The following MGRN1 variants were observed in gnomAD, a reference collection of about 807,000 sequenced individuals.
MGRN1 encodes mahogunin ring finger 1.
MGRN1 carries 29 observed loss-of-function variants against 69.2 expected under a neutral mutation model. That is an observed-to-expected ratio of 0.42 (90% confidence interval 0.31 to 0.57). The LOEUF is 0.57. Ranked by LOEUF, MGRN1 falls within the 20% of genes least tolerant of loss-of-function variation. The probability of loss-of-function intolerance (pLI) is 0.15; values close to 1 mark genes in which losing one functional copy is unlikely to be tolerated. For missense variants in MGRN1, 998 were observed against 796.2 expected, an observed-to-expected ratio of 1.25 and a Z score of -3.05; for synonymous variants, 470 against 344.2, an observed-to-expected ratio of 1.37 and a Z score of -4.04.
intron 1 of MGRN1, among the ~76,000 whole-genome samples, chr16:4,639,227 G>A (rs931988247): frequency 7.2e-5 from 11 of 152,108 alleles, no homozygotes; most frequent in Non-Finnish European, 1.6e-4. Context: ...GAGGACAGAG[G>A]GAACCAACAG....
At chr16:4,680,619 G>A (rs1004238902) in intron 12 of MGRN1, 24 of 157,690 alleles carry the variant, frequency 1.5e-4, no homozygotes, top group Non-Finnish European at 3.1e-4. Flanking sequence ...GTGTGCGTTG[G>A]TGTAGAAGGT....
In MGRN1 at chr16:4,690,532, A is replaced by T. The variant is rs1158511683; in HGVS notation, c.*1624A>T. The T allele has an allele frequency of 6.6e-6, 1 of 152,544 alleles. No individual in the cohort carries two copies. Among genetic ancestry groups the T allele is most frequent in the Non-Finnish European group, 1.5e-5 (1 of 68,236 alleles). 9.4% of individuals were successfully genotyped at this position (152,544 alleles called of 1,614,324 possible). A position where few individuals can be genotyped will look rare whatever the true frequency, so the allele number is the denominator to read the frequency against. ...GGCCAGCCACCCCTCCCGCTCGTGC[A>T]CAGGCACGCAGATGCGCTCACACGT... On this transcript the variant is annotated 3_prime_UTR_variant, in exon 17 of 17. Transcript: ENST00000262370.
intron 5 of MGRN1, among the ~76,000 whole-genome samples, chr16:4,663,607 G>C (rs575911678): frequency 2.0e-4 from 30 of 152,326 alleles, no homozygotes; most frequent in African/African-American, 6.7e-4. Flanking sequence ...ATGGTGACTG[G>C]AGAGGCAGGG....
chr16:4,664,562 C>G, intron 5 of MGRN1, 147 bp from the exon 6 acceptor site: 1 of 757,612 alleles, frequency 1.3e-6, no homozygotes. Context: ...CTGGCATCCG[C>G]CTTCCCTGCC....
intron 1 of MGRN1, among the ~76,000 whole-genome samples, chr16:4,632,255 C>T (rs1342011403): frequency 6.6e-6 from 1 of 151,552 alleles, no homozygotes; most frequent in Non-Finnish European, 1.5e-5. Context: ...ACCTTTTGAC[C>T]CGCCTACCTC....
chr16:4,625,009 A>T lies in MGRN1; in HGVS notation c.49A>T (p.Ile17Phe). ...CATCGCGGGGGTGGAGGACATCGAC[A>T]TCCAGGCGAACTCGGCCTATCGCTA... ...RRIAGVEDID[I>F]QANSAYRYPP... is the part of the protein sequence containing the mutation. Residue 17 changes from isoleucine to phenylalanine, a missense_variant, in exon 1 of 17, where the codon ATC becomes TTC. Transcript: ENST00000262370. The T allele has an allele frequency of 4.5e-6, 7 of 1,560,778 alleles. No individual in the cohort carries two copies. Among genetic ancestry groups the T allele is most frequent in the Non-Finnish European group, 6.1e-6 (7 of 1,155,884 alleles).
chr16:4,682,789 T>C, intron 13 of MGRN1, 34 bp from the exon 14 acceptor site: 1 of 1,504,212 alleles, frequency 6.6e-7, no homozygotes, highest in Non-Finnish European at 8.9e-7. Flanking sequence ...GTCGTTATCC[T>C]CTCACCCCTG....
intron 16 of MGRN1, chr16:4,688,050 C>T: frequency 3.0e-6 from 3 of 985,552 alleles, no homozygotes; most frequent in African/African-American, 1.7e-5. Context: ...ACAGGGCTCA[C>T]AGCCTCGGAA....
intron 1 of MGRN1, among the ~76,000 whole-genome samples, chr16:4,647,115 C>T (rs1243488341): frequency 1.3e-5 from 2 of 152,256 alleles, no homozygotes; most frequent in African/African-American, 2.4e-5. Context: ...TCTTGCCGTG[C>T]TGCTGTGGCC....
At chr16:4,671,566 C>A (rs2078937852) in intron 9 of MGRN1, 107 bp downstream of exon 9, 3 of 913,988 alleles carry the variant, frequency 3.3e-6, no homozygotes, top group African/African-American at 3.3e-5. Flanking sequence ...CCCTGGAGTC[C>A]TAGACCCGCT....
At chr16:4,672,437 C>T (rs1413959501) in intron 9 of MGRN1, 2 of 456,632 alleles carry the variant, frequency 4.4e-6, no homozygotes, top group East Asian at 6.9e-5. Flanking sequence ...TTCATTATGG[C>T]ATCTGGGCCC....
intron 7 of MGRN1, among the ~76,000 whole-genome samples, chr16:4,666,649 C>G (rs1222250865): frequency 6.6e-6 from 1 of 152,182 alleles, no homozygotes; most frequent in African/African-American, 2.4e-5. Flanking sequence ...GCTCAGTGTC[C>G]TTGGGTGTCA....
At chr16:4,682,583 GCTAGGCCCGTGCC>G (rs1349134153) in intron 13 of MGRN1, among the ~76,000 whole-genome samples, 2 of 152,182 alleles carry the variant, frequency 1.3e-5, no homozygotes, top group Non-Finnish European at 2.9e-5. Context: ...GAAAAGGAAG[GCTAGGCCCGTGCC>G]AGTGTGTCGG....
At chr16:4,687,209 C>T in intron 16 of MGRN1, 1 of 984,946 alleles carries the variant, frequency 1.0e-6, no homozygotes, top group Middle Eastern at 5.2e-4. Context: ...ATCCCCCATC[C>T]CCCCCAAGAG....
intron 1 of MGRN1, among the ~76,000 whole-genome samples, chr16:4,648,545 G>C (rs866635915): frequency 1.7e-4 from 16 of 96,342 alleles, no homozygotes; most frequent in South Asian, 1.0e-3. Context: ...GGTCACCCGG[G>C]TCCTCCTCCC....
At chr16:4,650,284 A>G (rs555290635) in intron 1 of MGRN1, 81 bp from the exon 2 acceptor site, 1 of 1,099,550 alleles carries the variant, frequency 9.1e-7, no homozygotes. Context: ...GCCTGGGTGG[A>G]GCGCCACTGC....
At chr16:4,628,211 C>G (rs1447357924) in intron 1 of MGRN1, among the ~76,000 whole-genome samples, 1 of 151,702 alleles carries the variant, frequency 6.6e-6, no homozygotes, top group Non-Finnish European at 1.5e-5. Flanking sequence ...ACGGTGAAAC[C>G]CCATGTCTAC....
intron 1 of MGRN1, among the ~76,000 whole-genome samples, chr16:4,629,035 C>G (rs747669011): frequency 2.1e-4 from 32 of 151,998 alleles, no homozygotes; most frequent in Non-Finnish European, 3.5e-4. Flanking sequence ...CGGGGTTTCA[C>G]TATGTTGGGA....
chr16:4,662,059 G>A (rs1009224505), intron 5 of MGRN1, among the ~76,000 whole-genome samples: 2 of 152,118 alleles, frequency 1.3e-5, no homozygotes, highest in African/African-American at 2.4e-5. Context: ...TCCCTGGTTC[G>A]CAGTCGGGTA....
Sources: gnomAD v4.1 joint callset for allele counts (sites outside exome capture counted in the v4.1 genomes callset) on GRCh38, gnomAD v4.1.1 for gene constraint, MANE v1.5 for transcripts, NCBI Gene and HGNC (gene_info 2026-07-23, HGNC 2026-07-21) for gene names.